CNTNAP5: variants seen among roughly 807,000 people sequenced by gnomAD.
The protein encoded by CNTNAP5 is contactin-associated protein-like 5.
Under a neutral mutation model 150.2 loss-of-function variants are expected in CNTNAP5, and 72 were observed. The ratio of observed to expected loss-of-function variants is 0.48; its 90% CI spans 0.40 to 0.58. The LOEUF is 0.58. Among genes scored for constraint, CNTNAP5 ranks in the 20% least tolerant of loss-of-function variants. CNTNAP5 has a pLI of 0.00. For synonymous variants in CNTNAP5, 672 were observed against 619.8 expected (o/e 1.08, Z -1.25); for missense variants, 1,636 against 1,626.2 (o/e 1.01, Z -0.10).
At position 124,162,007 on chromosome 2, in the gene CNTNAP5, A is replaced by T. The variant is rs1284685384; in HGVS notation, c.83-59698A>T. On this transcript the variant is annotated intron_variant, in intron 1 of 23. Coordinates refer to ENST00000682447, the MANE Select transcript of CNTNAP5 (RefSeq NM_001367498.1). ...TAATAAAAGGAAAAAAGGGTAGCAG[A>T]TGCACACCATATGTGTGGACATGAT... 2.6e-5 allele frequency among the ~76,000 whole-genome samples: 4 copies of T among 152,332 alleles called. No individual in the cohort carries two copies. In the East Asian group the frequency reaches 7.7e-4, roughly 29 times the overall value.
chr2:124,209,578 C>T (rs952694599), intron 1 of CNTNAP5, among the ~76,000 whole-genome samples: 7 of 152,102 alleles, frequency 4.6e-5, no homozygotes, highest in Non-Finnish European at 7.4e-5. Flanking sequence ...GTTTCTATTC[C>T]GATTTCTTAG....
chr2:124,887,501 A>G (rs1176605833), intron 21 of CNTNAP5, among the ~76,000 whole-genome samples: 3 of 152,150 alleles, frequency 2.0e-5, no homozygotes, highest in Admixed American at 1.3e-4. Context: ...TCTGAAAACC[A>G]GGAATCATCA....
At chr2:124,435,572 A>G (rs1053701670) in intron 5 of CNTNAP5, among the ~76,000 whole-genome samples, 7 of 152,174 alleles carry the variant, frequency 4.6e-5, no homozygotes, top group African/African-American at 1.7e-4. Flanking sequence ...CCCATCTGAT[A>G]TTTACTAATA....
intron 1 of CNTNAP5, among the ~76,000 whole-genome samples, chr2:124,180,091 G>C (rs750204221): frequency 2.0e-5 from 3 of 151,972 alleles, no homozygotes; most frequent in Non-Finnish European, 4.4e-5. Context: ...TTGGCTTCTT[G>C]TCTCTTCTCC....
At chr2:124,319,376 G>A (rs1362696658) in intron 3 of CNTNAP5, among the ~76,000 whole-genome samples, 3 of 152,136 alleles carry the variant, frequency 2.0e-5, no homozygotes, top group Non-Finnish European at 4.4e-5. Flanking sequence ...CCTGTTAAAG[G>A]TATCAAAGAC....
rs539435003 is a variant in CNTNAP5 at position 124,916,388 on chromosome 2, T to A, written c.*2100T>A. On this transcript the variant is annotated 3_prime_UTR_variant, in exon 24 of 24. Coordinates refer to ENST00000682447, the MANE Select transcript of CNTNAP5 (RefSeq NM_001367498.1). ...AATTTTCATTTTTGAATTTTCTATTTCCATAAAAAGGCTATATAAATCAGC... is the reference window on the plus strand; with the variant it reads ...AATTTTCATTTTTGAATTTTCTATTACCATAAAAAGGCTATATAAATCAGC... Among the ~76,000 whole-genome samples, 1,023 of 152,160 alleles carry A rather than the reference T, an allele frequency of 6.7e-3. 6 individuals are homozygous for A. The highest frequency in any genetic ancestry group is 0.022 in the African/African-American group (918 of 41,542).
chr2:124,715,101 T>C (rs1228645127), intron 13 of CNTNAP5, among the ~76,000 whole-genome samples: 1 of 152,184 alleles, frequency 6.6e-6, no homozygotes, highest in Non-Finnish European at 1.5e-5. Flanking sequence ...ATGCGGAGTG[T>C]GTTTAATCCT....
chr2:124,388,186 C>T (rs1558878977), intron 3 of CNTNAP5, among the ~76,000 whole-genome samples: 1 of 152,294 alleles, frequency 6.6e-6, no homozygotes, highest in East Asian at 1.9e-4. Context: ...CTCCTAAAGG[C>T]ATCATGTCTC....
intron 19 of CNTNAP5, among the ~76,000 whole-genome samples, chr2:124,804,201 CCT>C (rs1682033109): frequency 6.6e-6 from 1 of 152,128 alleles, no homozygotes; most frequent in East Asian, 1.9e-4. Flanking sequence ...GACACTGTGA[CCT>C]CTAGAGGGCG....
chr2:124,821,232 A>C (rs1290841137), intron 19 of CNTNAP5, among the ~76,000 whole-genome samples: 2 of 152,234 alleles, frequency 1.3e-5, no homozygotes, highest in Admixed American at 1.3e-4. Flanking sequence ...AAAGAGAGGG[A>C]CAGAAAACTA....
intron 1 of CNTNAP5, among the ~76,000 whole-genome samples, chr2:124,212,570 G>T (rs766642717): frequency 6.6e-6 from 1 of 152,034 alleles, no homozygotes; most frequent in Non-Finnish European, 1.5e-5. Flanking sequence ...TAATATAAAA[G>T]GTTGAATAGC....
chr2:124,430,071 A>T (rs1692336276), intron 4 of CNTNAP5, among the ~76,000 whole-genome samples: 1 of 152,166 alleles, frequency 6.6e-6, no homozygotes, highest in Non-Finnish European at 1.5e-5. Context: ...CATCTAATCC[A>T]ATTGCGAGGT....
chr2:124,853,365 C>T (rs1683194317), intron 19 of CNTNAP5, among the ~76,000 whole-genome samples: 1 of 152,174 alleles, frequency 6.6e-6, no homozygotes, highest in South Asian at 2.1e-4. Context: ...GCATTCCTTG[C>T]CAGTGTGGTC....
intron 1 of CNTNAP5, among the ~76,000 whole-genome samples, chr2:124,156,801 T>G (rs1684559082): frequency 6.6e-6 from 1 of 152,182 alleles, no homozygotes; most frequent in Non-Finnish European, 1.5e-5. Context: ...TTTTGCCTAA[T>G]TTTTGAGAGT....
intron 12 of CNTNAP5, among the ~76,000 whole-genome samples, chr2:124,639,471 TC>T (rs1678044636): frequency 6.6e-6 from 1 of 152,150 alleles, no homozygotes; most frequent in African/African-American, 2.4e-5. Context: ...AGGCGTCTCT[TC>T]TTTTCTGACC....
chr2:124,854,441 A>T (rs1677302284), intron 19 of CNTNAP5, among the ~76,000 whole-genome samples: 1 of 152,208 alleles, frequency 6.6e-6, no homozygotes, highest in Admixed American at 6.5e-5. Context: ...TGAAAAACCT[A>T]TCTTTAGTAC....
intron 13 of CNTNAP5, among the ~76,000 whole-genome samples, chr2:124,701,293 T>C (rs1368537328): frequency 6.6e-6 from 1 of 152,170 alleles, no homozygotes; most frequent in Non-Finnish European, 1.5e-5. Flanking sequence ...TTTCTGTGTC[T>C]GGCTCATTTC....
At chr2:124,815,157 C>T (rs1682335011) in intron 19 of CNTNAP5, among the ~76,000 whole-genome samples, 1 of 152,182 alleles carries the variant, frequency 6.6e-6, no homozygotes, top group Non-Finnish European at 1.5e-5. Flanking sequence ...AGGCCATCGA[C>T]ATTTGTCAGA....
At chr2:124,661,994 C>T (rs1400648099) in intron 13 of CNTNAP5, among the ~76,000 whole-genome samples, 2 of 152,086 alleles carry the variant, frequency 1.3e-5, no homozygotes, top group African/African-American at 2.4e-5. Flanking sequence ...AATGCTATCC[C>T]TCCCCTTGTC....
Sources: gnomAD v4.1 joint callset for allele counts (sites outside exome capture counted in the v4.1 genomes callset) on GRCh38, gnomAD v4.1.1 for gene constraint, MANE v1.5 for transcripts, NCBI Gene and HGNC (gene_info 2026-07-23, HGNC 2026-07-21) for gene names.